The following ICE1 variants were observed in gnomAD, a reference collection of about 807,000 sequenced individuals.
ICE1 encodes the protein interactor of little elongation complex ELL subunit 1.
ICE1 carries 64 observed loss-of-function variants against 192.7 expected under a neutral mutation model. The observed-to-expected ratio is 0.33, with a 90% CI of 0.27 to 0.41. The LOEUF is 0.41. Ranked by LOEUF, ICE1 falls within the 10% of genes least tolerant of loss-of-function variation. The pLI is 1.00. For missense variants in ICE1, 2,708 were observed against 2,696.0 expected, an observed-to-expected ratio of 1.00 and a Z score of -0.10; for synonymous variants, 1,010 against 984.5, an observed-to-expected ratio of 1.03 and a Z score of -0.49.
At chr5:5,478,417 C>T (rs953687836) in intron 17 of ICE1, among the ~76,000 whole-genome samples, 1 of 152,258 alleles carries the variant, frequency 6.6e-6, no homozygotes, top group East Asian at 1.9e-4. Flanking sequence ...TGTGAAGGAC[C>T]TCTTCAAGGA....
chr5:5,436,520 A>G (rs781165498), intron 2 of ICE1, 44 bp downstream of exon 2: 6 of 1,201,632 alleles, frequency 5.0e-6, no homozygotes, highest in Non-Finnish European at 6.8e-6. Context: ...TGTAAACCTG[A>G]CAAACTGGCT....
chr5:5,489,081 T>C, intron 18 of ICE1, 68 bp from the exon 19 acceptor site: 1 of 1,332,778 alleles, frequency 7.5e-7, no homozygotes, highest in Non-Finnish European at 1.1e-6. Context: ...TTCCAGTAGG[T>C]TACATCACTA....
chr5:5,456,962 A>G (rs1239115257), intron 11 of ICE1, among the ~76,000 whole-genome samples: 1 of 152,150 alleles, frequency 6.6e-6, no homozygotes, highest in Non-Finnish European at 1.5e-5. Context: ...GTATCAACCT[A>G]TAGGCACAAA....
intron 17 of ICE1, among the ~76,000 whole-genome samples, chr5:5,476,449 C>T (rs922113185): frequency 6.6e-6 from 1 of 152,006 alleles, no homozygotes; most frequent in East Asian, 1.9e-4. Flanking sequence ...TATAAAACTA[C>T]CTGAGATGGG....
intron 10 of ICE1, among the ~76,000 whole-genome samples, chr5:5,453,991 C>G (rs1388471525): frequency 6.6e-6 from 1 of 152,128 alleles, no homozygotes; most frequent in South Asian, 2.1e-4. Context: ...TATGTTCATA[C>G]GCACACATTC....
intron 15 of ICE1, among the ~76,000 whole-genome samples, chr5:5,471,841 G>GT (rs1739163474): frequency 6.6e-6 from 1 of 152,114 alleles, no homozygotes; most frequent in Non-Finnish European, 1.5e-5. Flanking sequence ...ATTTCCCTGG[G>GT]TTGGGTTCTT....
At chr5:5,447,943 G>C (rs1271186726) in intron 10 of ICE1, 46 bp downstream of exon 10, 1 of 1,442,352 alleles carries the variant, frequency 6.9e-7, no homozygotes, top group Non-Finnish European at 9.5e-7. Context: ...ATTGCTCTTA[G>C]TGGGTTGTGA....
At chr5:5,451,714 G>A (rs1020759475) in intron 10 of ICE1, among the ~76,000 whole-genome samples, 13 of 152,112 alleles carry the variant, frequency 8.5e-5, no homozygotes, top group East Asian at 5.8e-4. Context: ...TAATAAATCC[G>A]GATAATTTAT....
rs567538739 is a variant in ICE1, at chr5:5,486,830, C to T, written c.6619+11C>T. The T allele has an allele frequency of 1.1e-4, 170 of 1,559,634 alleles. No individual in the cohort carries two copies. Among genetic ancestry groups the T allele is most frequent in the Non-Finnish European group, 1.5e-4 (169 of 1,145,202 alleles). On this transcript the variant is annotated intron_variant, in intron 18 of 18. Transcript: ENST00000296564. ...ATGCTCACGATGAAGGTAAAACTTA[C>T]ATCTATTAAAATTACTTTTAAGTAA...
chr5:5,426,584 G>T (rs1489016212), intron 1 of ICE1, among the ~76,000 whole-genome samples: 1 of 152,144 alleles, frequency 6.6e-6, no homozygotes, highest in Admixed American at 6.5e-5. Context: ...ATTAGAGTCA[G>T]TGACGGAAAA....
chr5:5,457,682 C>A lies in ICE1; in HGVS notation c.1042C>A (p.Pro348Thr). 6.2e-7 allele frequency: 1 copy of A among 1,613,892 alleles called. No homozygotes were observed. The highest frequency in any genetic ancestry group is 8.5e-7 in the Non-Finnish European group (1 of 1,179,848). Reference sequence around the variant, plus strand: ...TCCCCCTCCTCTTCTGTCACCAGTGCCCTCGCCCCCTCCGATGTCATCACC... The same window carrying A: ...TCCCCCTCCTCTTCTGTCACCAGTGACCTCGCCCCCTCCGATGTCATCACC... ...KLPPPLLSPV[P>T]SPPPMSSPHP... Residue 348 changes from proline to threonine, a missense_variant, in exon 12 of 19, where the codon CCC becomes ACC. Pro to Thr is a conservative substitution (Grantham distance 38). Transcript: ENST00000296564.
chr5:5,439,191 T>G (rs1273823072), intron 3 of ICE1, among the ~76,000 whole-genome samples: 1 of 152,194 alleles, frequency 6.6e-6, no homozygotes, highest in African/African-American at 2.4e-5. Flanking sequence ...CTTTCCTATT[T>G]TGCAAAGATT....
intron 17 of ICE1, 101 bp from the exon 18 acceptor site, chr5:5,486,620 C>A: frequency 1.4e-6 from 1 of 721,296 alleles, no homozygotes; most frequent in Non-Finnish European, 2.4e-6. Context: ...AATGATGAGG[C>A]ATTTTGATCA....
At position 5,477,690 on chromosome 5, in the gene ICE1, T is replaced by A. The variant is rs138507543; in HGVS notation, c.6520+1611T>A. On this transcript the variant is annotated intron_variant, in intron 17 of 18. Coordinates refer to ENST00000296564, the MANE Select transcript of ICE1 (RefSeq NM_015325.3). ...CCTGGCAGAGACAAAACAGAAAAAA[T>A]TTCAGGCCAACGTCTCCAGTGAACA... is the stretch of plus-strand genomic sequence containing the variant. Among the ~76,000 whole-genome samples the A allele has an allele frequency of 1.3e-3, 196 of 152,002 alleles. 3 individuals carry two copies. The East Asian group carries it at 0.034, about 26-fold the overall frequency.
chr5:5,489,223 T>C lies in ICE1; in HGVS notation c.6694T>C (p.Ser2232Pro). 1.2e-6 allele frequency: 2 copies of C among 1,613,988 alleles called. No homozygotes were observed. Among genetic ancestry groups the C allele is most frequent in the Non-Finnish European group, 1.7e-6 (2 of 1,179,896 alleles). The change falls in exon 19 of 19, where the codon TCC becomes CCC. Residue 2232 changes from serine to proline, a missense_variant. Coordinates refer to ENST00000296564, the MANE Select transcript of ICE1 (RefSeq NM_015325.3). Reference sequence around the variant, plus strand: ...GAGTCCCAGCAATCCAGCAGAAATTTCCAAGATCCTGGAAGCTTGGCGGAG... The same window carrying C: ...GAGTCCCAGCAATCCAGCAGAAATTCCCAAGATCCTGGAAGCTTGGCGGAG... ...DLSPSNPAEI[S>P]KILEAWRREA... is the part of the protein sequence containing the mutation.
chr5:5,466,378 A>C lies in ICE1; in HGVS notation c.5937A>C (p.Lys1979Asn). The change falls in exon 14 of 19, where the codon AAA becomes AAC. Residue 1979 changes from lysine (K) to asparagine (N), a missense_variant. Physicochemically the swap from Lys to Asn is moderately conservative, Grantham distance 94. This residue lies in a region of ICE1 where 342 missense variants were observed against 419.3 expected (regional missense o/e 0.82). Transcript: ENST00000296564. ...TTCACTCTATTCTCTCAGAACTAAA[A>C]ATTCAGAAGATATCTATGGACCACA... is the stretch of plus-strand genomic sequence containing the variant. The part of the protein sequence containing the change: ...CLLHSILSEL[K>N]IQKISMDHNY... The C allele has an allele frequency of 6.2e-7, 1 of 1,612,566 alleles. No homozygotes were observed. The highest frequency in any genetic ancestry group is 8.5e-7 in the Non-Finnish European group (1 of 1,179,414).
At chr5:5,432,194 C>T (rs950740359) in intron 1 of ICE1, among the ~76,000 whole-genome samples, 2 of 152,176 alleles carry the variant, frequency 1.3e-5, no homozygotes, top group Non-Finnish European at 2.9e-5. Flanking sequence ...TAGTCATTTC[C>T]TGTCTCTGTA....
intron 1 of ICE1, 27 bp downstream of exon 1, chr5:5,423,026 GC>G (rs1470658689): frequency 7.5e-7 from 1 of 1,335,878 alleles, no homozygotes; most frequent in Non-Finnish European, 9.6e-7. Context: ...GGCCCCGGGC[GC>G]GGGGGGGGAC....
At chr5:5,454,320 AT>A (rs935106233) in intron 10 of ICE1, among the ~76,000 whole-genome samples, 2 of 150,984 alleles carry the variant, frequency 1.3e-5, no homozygotes, top group Non-Finnish European at 3.0e-5. Context: ...TCTGCCACCA[AT>A]TTTTTTTTTA....
Sources: gnomAD v4.1 joint callset for allele counts (sites outside exome capture counted in the v4.1 genomes callset) on GRCh38, gnomAD v4.1.1 for gene constraint, gnomAD v4.1.1 regional missense constraint, MANE v1.5 for transcripts, NCBI Gene and HGNC (gene_info 2026-07-23, HGNC 2026-07-21) for gene names.